Variants in NEO1 observed in about 807,000 individuals in gnomAD.
NEO1 encodes the protein neogenin.
NEO1 carries 63 observed loss-of-function variants against 159.7 expected under a neutral mutation model. The observed-to-expected ratio is 0.39, with a 90% CI of 0.32 to 0.49. NEO1 has a LOEUF of 0.49. Among genes scored for constraint, NEO1 ranks in the 20% least tolerant of loss-of-function variants. NEO1 has a pLI of 0.85. For synonymous variants in NEO1, 633 were observed against 662.0 expected (o/e 0.96, Z 0.67); for missense variants, 1,615 against 1,831.0 (o/e 0.88, Z 2.15).
intron 4 of NEO1, among the ~76,000 whole-genome samples, chr15:73,127,477 T>C (rs1339236520): frequency 6.6e-6 from 1 of 152,202 alleles, no homozygotes; most frequent in Non-Finnish European, 1.5e-5. Context: ...GTAGGATGTT[T>C]ACTGGCATCC....
At chr15:73,099,611 C>T (rs892052300) in intron 1 of NEO1, among the ~76,000 whole-genome samples, 8 of 152,132 alleles carry the variant, frequency 5.3e-5, no homozygotes, top group Non-Finnish European at 1.0e-4. Flanking sequence ...AATATTACTT[C>T]TGTTAGTAAA....
Position 73,065,518 on chromosome 15 carries a change from A to G in NEO1, c.130+12713A>G, listed in dbSNP as rs573784576. Reference sequence around the variant, plus strand: ...AGTGTGTTTTTTCAACACTTTACATATGTTGTTCCATGTCCACTGAACTCT... The same window carrying G: ...AGTGTGTTTTTTCAACACTTTACATGTGTTGTTCCATGTCCACTGAACTCT... On this transcript the variant is annotated intron_variant, in intron 1 of 28. Coordinates refer to ENST00000261908, the MANE Select transcript of NEO1 (RefSeq NM_002499.4). Among the ~76,000 whole-genome samples the G allele has an allele frequency of 2.6e-5, 4 of 152,276 alleles. 1 individual carries two copies. The South Asian group carries it at 8.3e-4, about 32-fold the overall frequency.
At chr15:73,197,532 A>G (rs528882393) in intron 7 of NEO1, among the ~76,000 whole-genome samples, 1 of 152,270 alleles carries the variant, frequency 6.6e-6, no homozygotes, top group South Asian at 2.1e-4. Flanking sequence ...GCATTATGAG[A>G]TACAACCTGA....
chr15:73,066,242 G>GA (rs2068214441), intron 1 of NEO1, among the ~76,000 whole-genome samples: 2 of 149,828 alleles, frequency 1.3e-5, no homozygotes, highest in South Asian at 4.2e-4. Context: ...AGCCAGGATG[G>GA]TCTCCTGACC....
Position 73,116,575 on chromosome 15 carries a change from C to G in NEO1, c.166C>G (p.Leu56Val), listed in dbSNP as rs2151614572. ...TCGAACGTTCACTCCATTTTATTTT[C>G]TGGTGGAGCCGGTGGATACACTCTC... ...SIRTFTPFYF[L>V]VEPVDTLSVR... The change falls in exon 2 of 29, where the codon CTG (leucine) becomes GTG (valine). Residue 56 changes from leucine to valine, a missense_variant. Leu to Val is a conservative substitution (Grantham distance 32). Transcript: ENST00000261908. The G allele has an allele frequency of 6.5e-7, 1 of 1,540,312 alleles. No individual in the cohort carries two copies. Among genetic ancestry groups the G allele is most frequent in the Non-Finnish European group, 8.7e-7 (1 of 1,148,856 alleles).
Position 73,249,089 on chromosome 15 carries a change from C to A in NEO1, c.1636C>A (p.Arg546Ser), listed in dbSNP as rs771180099. ...GCTCCCTGGCCCAGCACCTAACCTT[C>A]GTGCATATGCAGCTTCGCCTACCTC... is the stretch of plus-strand genomic sequence containing the variant. ...VQLPGPAPNL[R>S]AYAASPTSIT... Residue 546 changes from arginine (R) to serine (S), a missense_variant, in exon 10 of 29, where the codon CGT (arginine) becomes AGT (serine). By Grantham distance (110) the Arg-to-Ser change is moderately radical (BLOSUM62 -1). This residue lies in a region of NEO1 where 1,018 missense variants were observed against 1,115.4 expected (regional missense o/e 0.91). Coordinates refer to ENST00000261908, the MANE Select transcript of NEO1 (RefSeq NM_002499.4). 1 of 1,614,044 alleles carries A rather than the reference C, an allele frequency of 6.2e-7. No individual in the cohort carries two copies.
At position 73,087,722 on chromosome 15, in the gene NEO1, G is replaced by T. The variant is rs553916485; in HGVS notation, c.131-28818G>T. On this transcript the variant is annotated intron_variant, in intron 1 of 28. Transcript: ENST00000261908. ...TGAGAATATCATGTCTCACAATTCAGATGATTATTAATATTTTGGAATTCT... is the reference window on the plus strand; with the variant it reads ...TGAGAATATCATGTCTCACAATTCATATGATTATTAATATTTTGGAATTCT... Among the ~76,000 whole-genome samples, 187 of 152,208 alleles carry T rather than the reference G, an allele frequency of 1.2e-3. 3 individuals carry two copies. The highest frequency in any genetic ancestry group is 4.4e-3 in the African/African-American group (183 of 41,544).
At chr15:73,146,908 TG>T (rs1336175578) in intron 5 of NEO1, among the ~76,000 whole-genome samples, 1 of 152,162 alleles carries the variant, frequency 6.6e-6, no homozygotes, top group African/African-American at 2.4e-5. Context: ...TTGTGATTTT[TG>T]TTACTAAAAT....
chr15:73,152,222 C>T (rs1317979163), intron 5 of NEO1, among the ~76,000 whole-genome samples: 1 of 152,224 alleles, frequency 6.6e-6, no homozygotes, highest in Non-Finnish European at 1.5e-5. Context: ...CCTTAGGAAA[C>T]AGAATCTCTC....
In NEO1 at chr15:73,152,472, G is replaced by A. The variant is rs539132398; in HGVS notation, c.1015+16445G>A. On this transcript the variant is annotated intron_variant, in intron 5 of 28. Transcript: ENST00000261908. Reference sequence around the variant, plus strand: ...CCCAGGGAGGACATGGAAGCTCTGCGCCCCTTTCTCCCTACCTCACCCTAC... The same window carrying A: ...CCCAGGGAGGACATGGAAGCTCTGCACCCCTTTCTCCCTACCTCACCCTAC... 4.6e-5 allele frequency among the ~76,000 whole-genome samples: 7 copies of A among 152,212 alleles called. No individual in the cohort carries two copies. In the East Asian group the frequency reaches 9.7e-4, roughly 21 times the overall value.
chr15:73,229,789 A>G (rs1224413152), intron 7 of NEO1, among the ~76,000 whole-genome samples: 1 of 152,036 alleles, frequency 6.6e-6, no homozygotes, highest in Non-Finnish European at 1.5e-5. Context: ...TTCTGTGTCT[A>G]GTGAGATAAC....
At chr15:73,099,127 T>TTA (rs2070255076) in intron 1 of NEO1, among the ~76,000 whole-genome samples, 1 of 152,114 alleles carries the variant, frequency 6.6e-6, no homozygotes, top group Non-Finnish European at 1.5e-5. Flanking sequence ...TGCTTTTGGT[T>TTA]TATATATATA....
intron 7 of NEO1, among the ~76,000 whole-genome samples, chr15:73,223,816 C>T (rs1477784692): frequency 6.6e-6 from 1 of 152,130 alleles, no homozygotes; most frequent in African/African-American, 2.4e-5. Flanking sequence ...TTACATGCAT[C>T]GTGCTATTTG....
At chr15:73,101,183 T>G (rs1235715289) in intron 1 of NEO1, among the ~76,000 whole-genome samples, 1 of 152,250 alleles carries the variant, frequency 6.6e-6, no homozygotes, top group African/African-American at 2.4e-5. Flanking sequence ...TTCAAAATAT[T>G]TTGTAATTTC....
intron 1 of NEO1, among the ~76,000 whole-genome samples, chr15:73,099,654 T>A (rs889668061): frequency 8.5e-5 from 13 of 152,238 alleles, no homozygotes; most frequent in African/African-American, 3.1e-4. Context: ...AATAAATTAT[T>A]CATGTGCTAT....
At chr15:73,289,958 T>A (rs1567708368) in intron 25 of NEO1, among the ~76,000 whole-genome samples, 1 of 150,622 alleles carries the variant, frequency 6.6e-6, no homozygotes, top group Non-Finnish European at 1.5e-5. Flanking sequence ...TCAAAAAAAA[T>A]AAAAAAAATA....
Position 73,272,520 on chromosome 15 carries a change from G to T in NEO1, c.2923G>T (p.Val975Leu), listed in dbSNP as rs1422774051. The T allele has an allele frequency of 1.9e-6, 3 of 1,613,898 alleles. No homozygotes were observed. In the African/African-American group the frequency reaches 4.0e-5, roughly 22 times the overall value. The part of the protein sequence containing the change: ...SKEGKPKTII[V>L]NWQPPSEANG... ...AGAGGGGAAACCTAAGACCATAATTGTGAATTGGCAGCCTCCCTCCGAAGC... is the reference window on the plus strand; with the variant it reads ...AGAGGGGAAACCTAAGACCATAATTTTGAATTGGCAGCCTCCCTCCGAAGC... Residue 975 changes from valine to leucine, a missense_variant, in exon 19 of 29, where the codon GTG becomes TTG. By Grantham distance (32) the Val-to-Leu change is conservative (BLOSUM62 1). Around this residue, in one of 3 missense-constraint regions of NEO1, gnomAD observed 126 missense variants for 216.7 expected, o/e 0.58. Transcript: ENST00000261908.
chr15:73,135,799 A>AATAAT, intron 4 of NEO1, 92 bp from the exon 5 acceptor site: 1 of 1,120,164 alleles, frequency 8.9e-7, no homozygotes, highest in Non-Finnish European at 1.2e-6. Context: ...AATACTCTTT[A>AATAAT]AGTGTTTTCT....
At chr15:73,188,937 TAA>T (rs562385868) in intron 7 of NEO1, among the ~76,000 whole-genome samples, 1 of 144,900 alleles carries the variant, frequency 6.9e-6, no homozygotes, top group African/African-American at 2.5e-5. Context: ...CACAAAAAGT[TAA>T]AAAAAAAAAA....
Sources: gnomAD v4.1 joint callset for allele counts (sites outside exome capture counted in the v4.1 genomes callset) on GRCh38, gnomAD v4.1.1 for gene constraint, gnomAD v4.1.1 regional missense constraint, MANE v1.5 for transcripts, NCBI Gene and HGNC (gene_info 2026-07-23, HGNC 2026-07-21) for gene names.